C7: variants seen among roughly 807,000 people sequenced by gnomAD.
C7 encodes complement component C7.
Under a neutral mutation model 104.8 loss-of-function variants are expected in C7, and 83 were observed. The ratio of observed to expected loss-of-function variants is 0.79; its 90% confidence interval spans 0.66 to 0.95. C7 has a LOEUF of 0.95. Ranked by LOEUF, C7 falls within the 40% of genes least tolerant of loss-of-function variation. C7 has a pLI of 0.00. For missense variants in C7, 1,070 were observed against 1,011.2 expected, an observed-to-expected ratio of 1.06 and a Z score of -0.79; for synonymous variants, 415 against 360.6, an observed-to-expected ratio of 1.15 and a Z score of -1.71.
intron 1 of C7, among the ~76,000 whole-genome samples, chr5:40,921,509 A>C (rs1403029831): frequency 3.3e-5 from 5 of 152,150 alleles, no homozygotes; most frequent in Non-Finnish European, 7.3e-5. Context: ...AATTCTGAAT[A>C]ATAACAGTGC....
rs112770806 is a variant in C7, at chr5:40,931,682, T to C, written c.138+543T>C. 1.1e-3 allele frequency among the ~76,000 whole-genome samples: 168 copies of C among 152,376 alleles called. 1 individual carries two copies. Among genetic ancestry groups the C allele is most frequent in the African/African-American group, 3.9e-3 (164 of 41,596 alleles). On this transcript the variant is annotated intron_variant, in intron 3 of 17. Coordinates refer to ENST00000313164, the MANE Select transcript of C7 (RefSeq NM_000587.4). ...TATAAAAAGCTTCTAAAAATGTTTG[T>C]ATTCCTTATTATAAAATGTTCACTG...
chr5:40,937,723 A>C, intron 6 of C7, 33 bp downstream of exon 6: 13 of 1,507,580 alleles, frequency 8.6e-6, no homozygotes, highest in Non-Finnish European at 1.2e-5. Flanking sequence ...CCAATCTGGA[A>C]TTGTCAGAGA....
chr5:40,949,707 C>G (rs904916697), intron 8 of C7, among the ~76,000 whole-genome samples, 197 bp from the exon 9 acceptor site: 1 of 152,130 alleles, frequency 6.6e-6, no homozygotes, highest in Admixed American at 6.6e-5. Context: ...CCCTCTGAAG[C>G]TGATAGAAGG....
chr5:40,957,542 A>G (rs574740035), intron 10 of C7, among the ~76,000 whole-genome samples: 1 of 152,034 alleles, frequency 6.6e-6, no homozygotes, highest in South Asian at 2.1e-4. Flanking sequence ...CGCAACCTCC[A>G]CCTCCCAGGT....
chr5:40,915,610 A>G (rs1739301516), intron 1 of C7, among the ~76,000 whole-genome samples: 1 of 152,198 alleles, frequency 6.6e-6, no homozygotes, highest in Non-Finnish European at 1.5e-5. Context: ...TATAATTTAA[A>G]ACAAAAACGT....
At chr5:40,923,673 G>T (rs1468497949) in intron 1 of C7, among the ~76,000 whole-genome samples, 3 of 152,076 alleles carry the variant, frequency 2.0e-5, no homozygotes, top group East Asian at 3.9e-4. Flanking sequence ...TTGAACCCAG[G>T]GGGTGGAGGT....
rs1740991383 is a variant in C7 at position 40,983,338 on chromosome 5, A to ATG, written c.*1767_*1768dup. Among the ~76,000 whole-genome samples, 2 of 152,206 alleles carry ATG rather than the reference A, an allele frequency of 1.3e-5. No individual in the cohort carries two copies. The highest frequency in any genetic ancestry group is 2.9e-5 in the Non-Finnish European group (2 of 68,034). Reference sequence around the variant, plus strand: ...GTATGGAGTTAGATTCCTACCGCTTATGTATCACCATGCCCCCTTCCTAAA... The same window carrying ATG: ...GTATGGAGTTAGATTCCTACCGCTTATGTGTATCACCATGCCCCCTTCCTAAA... On this transcript the variant is annotated 3_prime_UTR_variant, in exon 18 of 18. Coordinates refer to ENST00000313164, the MANE Select transcript of C7 (RefSeq NM_000587.4).
intron 12 of C7, among the ~76,000 whole-genome samples, chr5:40,961,470 C>T (rs764374724): frequency 3.9e-5 from 6 of 151,946 alleles, no homozygotes; most frequent in Non-Finnish European, 5.9e-5. Context: ...CTGCAATCTC[C>T]GCCTCCCAAG....
chr5:40,959,841 A>G (rs1345607525), intron 12 of C7, among the ~76,000 whole-genome samples: 2 of 152,212 alleles, frequency 1.3e-5, no homozygotes, highest in Non-Finnish European at 2.9e-5. Flanking sequence ...AACTGGGAGT[A>G]GTCCTGCTGA....
At chr5:40,920,270 T>C (rs968048299) in intron 1 of C7, among the ~76,000 whole-genome samples, 1 of 152,110 alleles carries the variant, frequency 6.6e-6, no homozygotes, top group Admixed American at 6.5e-5. Flanking sequence ...TTCTTATTAA[T>C]TTTCTGTCTG....
chr5:40,968,588 ATATATATATATATTTTTTTTTTTTTT>A (rs1205165344), intron 14 of C7, among the ~76,000 whole-genome samples: 1,879 of 46,040 alleles, frequency 0.041, 8 homozygotes, highest in African/African-American at 0.087. Flanking sequence ...ATATATATAT[ATATATATATATATTTTTTTTTTTTTT>A]TTTTTTTTTT....
rs3805220 is a variant in C7 at position 40,964,883 on chromosome 5, G to A, written c.1882+10G>A. The A allele has an allele frequency of 5.2e-3, 8,356 of 1,613,110 alleles. 346 individuals carry two copies. The East Asian group carries it at 0.097, about 19-fold the overall frequency. On this transcript the variant is annotated intron_variant, in intron 14 of 17. Coordinates refer to ENST00000313164, the MANE Select transcript of C7 (RefSeq NM_000587.4). ...GAAATGCATTGTCAGAGTGAGTGGC[G>A]TCAGTTGTATATAATTTAAGATGAG...
chr5:40,952,611 A>T (rs1264962073), intron 9 of C7, among the ~76,000 whole-genome samples: 2 of 152,068 alleles, frequency 1.3e-5, no homozygotes, highest in African/African-American at 4.8e-5. Flanking sequence ...CGTCATTTAC[A>T]TTAGGTATAT....
intron 12 of C7, among the ~76,000 whole-genome samples, chr5:40,961,073 GA>G (rs1309535501): frequency 1.3e-5 from 2 of 152,048 alleles, no homozygotes; most frequent in Non-Finnish European, 2.9e-5. Context: ...TACACGTTCA[GA>G]AAAAAATGTA....
At chr5:40,939,981 G>A (rs1436713471) in intron 6 of C7, among the ~76,000 whole-genome samples, 3 of 152,178 alleles carry the variant, frequency 2.0e-5, no homozygotes, top group Admixed American at 2.0e-4. Flanking sequence ...GAACAGAGAT[G>A]TTTTGAGGAG....
chr5:40,962,073 T>G lies in C7; in HGVS notation c.1662-12T>G. 6.8e-7 allele frequency: 1 copy of G among 1,460,734 alleles called. No homozygotes were observed. 90.5% of individuals were successfully genotyped at this position (1,460,734 alleles called of 1,614,324 possible). A position where few individuals can be genotyped will look rare whatever the true frequency, so the allele number is the denominator to read the frequency against. On this transcript the variant is annotated splice_polypyrimidine_tract_variant and intron_variant, in intron 12 of 17. Coordinates refer to ENST00000313164, the MANE Select transcript of C7 (RefSeq NM_000587.4). The stretch of plus-strand genomic sequence containing the variant: ...AAATCAATCACATTAATTACATTTT[T>G]TTTCCTTCCAGGTTGCTTGAACCAC...
chr5:40,971,413 G>A (rs1220797249), intron 14 of C7, among the ~76,000 whole-genome samples: 1 of 152,068 alleles, frequency 6.6e-6, no homozygotes, highest in Non-Finnish European at 1.5e-5. Flanking sequence ...CATATCCTTT[G>A]CCCACTTTTT....
rs1740375558 is a variant in C7 at position 40,959,458 on chromosome 5, A to C, written c.1499A>C (p.Asp500Ala). The C allele has an allele frequency of 1.2e-6, 2 of 1,610,326 alleles. No individual in the cohort carries two copies. Among genetic ancestry groups the C allele is most frequent in the Non-Finnish European group, 1.7e-6 (2 of 1,178,986 alleles). ...CTTTCTCATCTTGTAGGAGGGGTTG[A>C]TGGAGGTTGGAGTTGCTGGTCCTCT... ...VLVGNQAGGV[D>A]GGWSCWSSWS... Residue 500 changes from aspartate (D) to alanine (A), a missense_variant, in exon 12 of 18, where the codon GAT becomes GCT. Transcript: ENST00000313164.
intron 6 of C7, among the ~76,000 whole-genome samples, chr5:40,939,709 A>T (rs548685090): frequency 6.6e-6 from 1 of 152,348 alleles, no homozygotes; most frequent in South Asian, 2.1e-4. Flanking sequence ...ACTTGCATGT[A>T]TATTTTTGAA....
Sources: gnomAD v4.1 joint callset for allele counts (sites outside exome capture counted in the v4.1 genomes callset) on GRCh38, gnomAD v4.1.1 for gene constraint, MANE v1.5 for transcripts, NCBI Gene and HGNC (gene_info 2026-07-23, HGNC 2026-07-21) for gene names.